Variants in EXOC6B observed in about 807,000 individuals in gnomAD.
EXOC6B encodes the protein SEC15 homolog B.
EXOC6B carries 54 observed loss-of-function variants against 113.5 expected under a neutral mutation model. That is an observed-to-expected ratio of 0.48 (90% CI 0.38 to 0.60). The LOEUF is 0.60. Among genes scored for constraint, EXOC6B ranks in the 20% least tolerant of loss-of-function variants. EXOC6B has a pLI of 0.00. For synonymous variants in EXOC6B, 357 were observed against 339.0 expected, an observed-to-expected ratio of 1.05 and a Z score of -0.58; for missense variants, 797 against 977.5, an observed-to-expected ratio of 0.82 and a Z score of 2.46.
At chr2:72,700,536 G>A (rs1257212545) in intron 6 of EXOC6B, among the ~76,000 whole-genome samples, 4 of 152,276 alleles carry the variant, frequency 2.6e-5, no homozygotes, top group East Asian at 1.9e-4. Context: ...TAATGGGGTC[G>A]AAATTGTATG....
chr2:72,569,614 G>C (rs1373806087), intron 7 of EXOC6B, among the ~76,000 whole-genome samples: 1 of 152,124 alleles, frequency 6.6e-6, no homozygotes, highest in Non-Finnish European at 1.5e-5. Context: ...TATGCAAGCT[G>C]TTTCTGGCCC....
chr2:72,409,545 T>G (rs1332801968), intron 18 of EXOC6B, among the ~76,000 whole-genome samples: 1 of 152,098 alleles, frequency 6.6e-6, no homozygotes, highest in Non-Finnish European at 1.5e-5. Context: ...CCATAAAAAA[T>G]GATGAGTTCA....
At chr2:72,262,757 C>T in intron 20 of EXOC6B, among the ~76,000 whole-genome samples, 1 of 152,118 alleles carries the variant, frequency 6.6e-6, no homozygotes, top group East Asian at 1.9e-4. Flanking sequence ...TTTCCCACCT[C>T]CCACAAGTTT....
intron 18 of EXOC6B, among the ~76,000 whole-genome samples, chr2:72,434,989 T>C (rs1430943875): frequency 6.6e-6 from 1 of 152,190 alleles, no homozygotes; most frequent in African/African-American, 2.4e-5. Context: ...TTCTTTTAAT[T>C]GTGATGTTAG....
At chr2:72,452,716 A>G (rs576662849) in intron 18 of EXOC6B, among the ~76,000 whole-genome samples, 1 of 152,344 alleles carries the variant, frequency 6.6e-6, no homozygotes, top group African/African-American at 2.4e-5. Flanking sequence ...TATGTAAGGG[A>G]ATTACAACAA....
intron 20 of EXOC6B, chr2:72,263,179 G>T (rs1683844431): frequency 6.6e-6 from 1 of 152,180 alleles, no homozygotes. Flanking sequence ...CTGGATAACA[G>T]CCTGCCAGAG....
chr2:72,520,710 G>A (rs1411898516), intron 8 of EXOC6B, among the ~76,000 whole-genome samples: 1 of 152,140 alleles, frequency 6.6e-6, no homozygotes, highest in Non-Finnish European at 1.5e-5. Context: ...TCTACAAACT[G>A]ATTTCAGCAT....
At chr2:72,535,627 C>T (rs1702246259) in intron 8 of EXOC6B, among the ~76,000 whole-genome samples, 1 of 152,034 alleles carries the variant, frequency 6.6e-6, no homozygotes, top group African/African-American at 2.4e-5. Flanking sequence ...AATTCAAGCA[C>T]TTTGGGAGGC....
chr2:72,801,779 T>A (rs1685288008), intron 1 of EXOC6B, among the ~76,000 whole-genome samples: 1 of 152,216 alleles, frequency 6.6e-6, no homozygotes, highest in African/African-American at 2.4e-5. Context: ...GAAGAGTCAT[T>A]GACTGTCTTA....
intron 19 of EXOC6B, among the ~76,000 whole-genome samples, chr2:72,367,035 A>C (rs1010575141): frequency 1.3e-5 from 2 of 152,142 alleles, no homozygotes; most frequent in African/African-American, 4.8e-5. Context: ...TATATGAATC[A>C]TTTCTAGACA....
intron 7 of EXOC6B, among the ~76,000 whole-genome samples, chr2:72,560,824 C>G (rs992441280): frequency 2.7e-5 from 4 of 150,042 alleles, no homozygotes; most frequent in African/African-American, 7.4e-5. Context: ...ATACCATGGT[C>G]CAAGAATAAC....
intron 6 of EXOC6B, among the ~76,000 whole-genome samples, chr2:72,622,643 G>C (rs1473547668): frequency 2.6e-5 from 4 of 152,156 alleles, no homozygotes; most frequent in African/African-American, 9.7e-5. Flanking sequence ...CCAGGAGGCA[G>C]AGGTTGCAGT....
At chr2:72,275,784 G>C (rs1684775303) in intron 20 of EXOC6B, among the ~76,000 whole-genome samples, 1 of 152,262 alleles carries the variant, frequency 6.6e-6, no homozygotes, top group South Asian at 2.1e-4. Context: ...CCATCAGCAG[G>C]TTAATTATAA....
intron 19 of EXOC6B, among the ~76,000 whole-genome samples, chr2:72,376,933 T>C (rs1051925986): frequency 2.6e-5 from 4 of 152,076 alleles, no homozygotes; most frequent in Admixed American, 1.3e-4. Flanking sequence ...CACTTTATCT[T>C]GTGAAATTGT....
chr2:72,314,164 C>A (rs544358487), intron 20 of EXOC6B, among the ~76,000 whole-genome samples: 1 of 152,240 alleles, frequency 6.6e-6, no homozygotes, highest in Admixed American at 6.5e-5. Flanking sequence ...TTATTGTTAT[C>A]CAAAATATTG....
chr2:72,305,779 T>A (rs1686816609), intron 20 of EXOC6B, among the ~76,000 whole-genome samples: 1 of 152,220 alleles, frequency 6.6e-6, no homozygotes, highest in Non-Finnish European at 1.5e-5. Flanking sequence ...TTCAATGTAT[T>A]ATTATGCTCC....
chr2:72,823,464 AAAAAAAAAAAAAAACAAAAAAC>A (rs1451309778), intron 1 of EXOC6B, among the ~76,000 whole-genome samples: 7 of 131,460 alleles, frequency 5.3e-5, no homozygotes, highest in African/African-American at 2.3e-4. Flanking sequence ...TTTAAGAAAA[AAAAAAAAAAAAAAACAAAAAAC>A]AAAAAAAAAG....
intron 6 of EXOC6B, among the ~76,000 whole-genome samples, chr2:72,677,160 C>T (rs911341458): frequency 2.6e-5 from 4 of 152,098 alleles, no homozygotes; most frequent in African/African-American, 9.7e-5. Context: ...TAATCTGATT[C>T]TCAGCTAGCG....
intron 18 of EXOC6B, among the ~76,000 whole-genome samples, chr2:72,447,704 A>G (rs1202075824): frequency 6.6e-6 from 1 of 152,146 alleles, no homozygotes; most frequent in Non-Finnish European, 1.5e-5. Context: ...ACTAGTGACA[A>G]TTTCTCTACA....
Sources: gnomAD v4.1 joint callset for allele counts (sites outside exome capture counted in the v4.1 genomes callset) on GRCh38, gnomAD v4.1.1 for gene constraint, MANE v1.5 for transcripts, NCBI Gene and HGNC (gene_info 2026-07-23, HGNC 2026-07-21) for gene names.